CNTN5: variants seen among roughly 807,000 people sequenced by gnomAD.
CNTN5 encodes the protein contactin 5, also known as contactin-5.
Under a neutral mutation model 129.1 loss-of-function variants are expected in CNTN5, and 77 were observed. That is an observed-to-expected ratio of 0.60 (90% CI 0.50 to 0.72). The LOEUF is 0.72. Among genes scored for constraint, CNTN5 ranks in the 30% least tolerant of loss-of-function variants. The pLI, the probability that CNTN5 is intolerant of heterozygous loss-of-function variation, is 0.00. For synonymous variants in CNTN5, 509 were observed against 465.6 expected (o/e 1.09, Z -1.20); for missense variants, 1,478 against 1,328.8 (o/e 1.11, Z -1.75).
intron 2 of CNTN5, among the ~76,000 whole-genome samples, chr11:99,453,727 T>C (rs1161689087): frequency 6.6e-6 from 1 of 152,110 alleles, no homozygotes; most frequent in Non-Finnish European, 1.5e-5. Flanking sequence ...TTTTATATAA[T>C]GGAGCAAAAT....
chr11:99,863,494 G>A (rs774657640), intron 6 of CNTN5, among the ~76,000 whole-genome samples: 3 of 152,110 alleles, frequency 2.0e-5, no homozygotes, highest in Non-Finnish European at 4.4e-5. Context: ...TCTAGGATGT[G>A]AGGAAGTGAA....
rs1315005636 is a variant in CNTN5, at chr11:99,202,494, A to T, written c.-209-122852A>T. ...ATTCTTTGCTACCAGAAGTGCAGGAAAAATACTAAAAGTAAAATCAAGGAC... is the reference window on the plus strand; with the variant it reads ...ATTCTTTGCTACCAGAAGTGCAGGATAAATACTAAAAGTAAAATCAAGGAC... On this transcript the variant is annotated intron_variant, in intron 1 of 24. Transcript: ENST00000524871. Among the ~76,000 whole-genome samples the T allele has an allele frequency of 2.0e-5, 3 of 152,202 alleles. No individual in the cohort carries two copies. In the South Asian group the frequency reaches 6.2e-4, roughly 31 times the overall value.
intron 3 of CNTN5, among the ~76,000 whole-genome samples, chr11:99,664,976 A>G (rs1952731217): frequency 6.6e-6 from 1 of 152,128 alleles, no homozygotes. Flanking sequence ...ATCAGGACAG[A>G]CTCATATTCT....
chr11:99,246,822 A>G (rs1214721847), intron 1 of CNTN5, among the ~76,000 whole-genome samples: 1 of 152,178 alleles, frequency 6.6e-6, no homozygotes, highest in Non-Finnish European at 1.5e-5. Context: ...AGCAAGAATC[A>G]TTACTAATCA....
At position 99,136,882 on chromosome 11, in the gene CNTN5, C is replaced by T. The variant is rs1202587162; in HGVS notation, c.-210+115612C>T. Among the ~76,000 whole-genome samples the T allele has an allele frequency of 2.6e-5, 4 of 152,028 alleles. No homozygotes were observed. In the East Asian group the frequency reaches 5.8e-4, roughly 22 times the overall value. On this transcript the variant is annotated intron_variant, in intron 1 of 24. Transcript: ENST00000524871. ...CATATTAAATTTAATATTTGTTCAG[C>T]ATTATATCATGACTGAATTAGACTC...
chr11:99,583,120 C>T (rs925248596), intron 3 of CNTN5, among the ~76,000 whole-genome samples: 13 of 152,332 alleles, frequency 8.5e-5, no homozygotes, highest in African/African-American at 2.2e-4. Context: ...GTATCAGCAG[C>T]GCTGGCTGCA....
intron 21 of CNTN5, among the ~76,000 whole-genome samples, chr11:100,310,125 T>C (rs1323483249): frequency 6.6e-6 from 1 of 151,908 alleles, no homozygotes; most frequent in African/African-American, 2.4e-5. Context: ...AAAATCCCTA[T>C]CTCAAGCTCT....
chr11:99,875,699 C>T (rs116275178), intron 6 of CNTN5, among the ~76,000 whole-genome samples: 1,696 of 151,980 alleles, frequency 0.011, 25 homozygotes, highest in African/African-American at 0.038. Flanking sequence ...TAACTCTTTC[C>T]AAATTGTCTT....
At chr11:99,885,587 T>A (rs934579730) in intron 6 of CNTN5, among the ~76,000 whole-genome samples, 1 of 152,138 alleles carries the variant, frequency 6.6e-6, no homozygotes, top group African/African-American at 2.4e-5. Flanking sequence ...GCAAAAATAA[T>A]CCTAACAGGA....
chr11:99,946,827 T>G (rs182722612), intron 7 of CNTN5, among the ~76,000 whole-genome samples: 1 of 152,078 alleles, frequency 6.6e-6, no homozygotes, highest in East Asian at 1.9e-4. Flanking sequence ...ACCTTATTAT[T>G]TTACAGCTAT....
chr11:99,577,244 T>A (rs532555094), intron 3 of CNTN5, among the ~76,000 whole-genome samples: 2 of 152,314 alleles, frequency 1.3e-5, no homozygotes, highest in South Asian at 4.1e-4. Flanking sequence ...ACTTTTCACA[T>A]AGAGTTGTAG....
chr11:99,248,858 G>T, intron 1 of CNTN5, among the ~76,000 whole-genome samples: 1 of 152,090 alleles, frequency 6.6e-6, no homozygotes, highest in East Asian at 1.9e-4. Flanking sequence ...TGCTGTTTTG[G>T]TTACTATAGC....
chr11:99,770,092 T>G (rs1317729417), intron 3 of CNTN5, among the ~76,000 whole-genome samples: 1 of 152,208 alleles, frequency 6.6e-6, no homozygotes. Context: ...CAGGAGTGTT[T>G]GCTGTCAGCT....
intron 2 of CNTN5, among the ~76,000 whole-genome samples, chr11:99,467,957 A>G (rs1945011275): frequency 6.6e-6 from 1 of 152,026 alleles, no homozygotes; most frequent in Non-Finnish European, 1.5e-5. Context: ...CATTCCTGTT[A>G]TATATATTTC....
chr11:99,062,744 CCA>C (rs1864940072), intron 1 of CNTN5, among the ~76,000 whole-genome samples: 1 of 117,280 alleles, frequency 8.5e-6, no homozygotes. Flanking sequence ...TTTTACATCA[CCA>C]CACACTAGCT....
chr11:99,178,188 T>G (rs1038396357), intron 1 of CNTN5, among the ~76,000 whole-genome samples: 5 of 149,918 alleles, frequency 3.3e-5, no homozygotes, highest in African/African-American at 1.2e-4. Flanking sequence ...AACAAAAAAC[T>G]AGCAACTCTA....
chr11:100,154,729 A>G (rs1441935468), intron 13 of CNTN5, among the ~76,000 whole-genome samples: 2 of 152,078 alleles, frequency 1.3e-5, no homozygotes, highest in African/African-American at 4.8e-5. Context: ...CTGGCATGAG[A>G]TGGTATCTCA....
At chr11:99,495,270 A>C (rs1479346783) in intron 2 of CNTN5, among the ~76,000 whole-genome samples, 1 of 152,200 alleles carries the variant, frequency 6.6e-6, no homozygotes, top group East Asian at 1.9e-4. Context: ...CAGGAGGCTG[A>C]GGCAAGAGAA....
intron 2 of CNTN5, among the ~76,000 whole-genome samples, chr11:99,549,992 A>AT (rs1948429217): frequency 6.6e-6 from 1 of 152,072 alleles, no homozygotes; most frequent in Non-Finnish European, 1.5e-5. Flanking sequence ...TCCTTTTAAA[A>AT]TTTTTGCTGG....
Sources: gnomAD v4.1 joint callset for allele counts (sites outside exome capture counted in the v4.1 genomes callset) on GRCh38, gnomAD v4.1.1 for gene constraint, MANE v1.5 for transcripts, NCBI Gene and HGNC (gene_info 2026-07-23, HGNC 2026-07-21) for gene names.